The following ELOVL6 variants were observed in gnomAD, a reference collection of about 807,000 sequenced individuals.
The protein encoded by ELOVL6 is ELOVL fatty acid elongase 6, also known as very long chain fatty acid elongase 6.
ELOVL6 carries 8 observed loss-of-function variants against 31.7 expected under a neutral mutation model. The ratio of observed to expected loss-of-function variants is 0.25; its 90% CI spans 0.15 to 0.45. The LOEUF (loss-of-function observed/expected upper bound fraction) is 0.45. Ranked by LOEUF, ELOVL6 falls within the 20% of genes least tolerant of loss-of-function variation. ELOVL6 has a pLI of 1.00. For missense variants in ELOVL6, 126 were observed against 326.4 expected, an observed-to-expected ratio of 0.39 and a Z score of 4.73; for synonymous variants, 101 against 117.7, an observed-to-expected ratio of 0.86 and a Z score of 0.92.
At chr4:110,119,296 A>AAAAG (rs146812273) in intron 1 of ELOVL6, among the ~76,000 whole-genome samples, 88 of 152,152 alleles carry the variant, frequency 5.8e-4, no homozygotes, top group African/African-American at 1.7e-3. Flanking sequence ...TCTCCATCTC[A>AAAAG]AAAGAAAGAA....
At chr4:110,141,271 C>T (rs1757946456) in intron 1 of ELOVL6, among the ~76,000 whole-genome samples, 1 of 152,114 alleles carries the variant, frequency 6.6e-6, no homozygotes, top group African/African-American at 2.4e-5. Flanking sequence ...CCATGTTGGT[C>T]AGGCTGGTCT....
At chr4:110,084,137 G>T (rs1249834676) in intron 2 of ELOVL6, among the ~76,000 whole-genome samples, 2 of 60,908 alleles carry the variant, frequency 3.3e-5, no homozygotes, top group African/African-American at 3.3e-4. Flanking sequence ...ATGTGATAAT[G>T]ATATATATGA....
intron 1 of ELOVL6, among the ~76,000 whole-genome samples, chr4:110,126,574 T>C (rs1477119904): frequency 2.6e-5 from 4 of 152,210 alleles, no homozygotes; most frequent in Non-Finnish European, 5.9e-5. Context: ...TTGAAGGTGC[T>C]AGTCATCTAA....
chr4:110,061,404 G>A (rs568264220), intron 2 of ELOVL6, among the ~76,000 whole-genome samples: 8 of 152,062 alleles, frequency 5.3e-5, no homozygotes, highest in African/African-American at 7.2e-5. Context: ...TCTCCTCCCC[G>A]TGGAATGACC....
intron 1 of ELOVL6, among the ~76,000 whole-genome samples, chr4:110,187,042 C>G (rs1759470840): frequency 6.6e-6 from 1 of 150,814 alleles, no homozygotes; most frequent in African/African-American, 2.4e-5. Flanking sequence ...TATAATTAGC[C>G]AATCCTTATC....
At chr4:110,160,822 T>C (rs1758610410) in intron 1 of ELOVL6, among the ~76,000 whole-genome samples, 1 of 152,224 alleles carries the variant, frequency 6.6e-6, no homozygotes, top group South Asian at 2.1e-4. Context: ...ATAAAAGGGT[T>C]GGGAAACAGC....
intron 1 of ELOVL6, among the ~76,000 whole-genome samples, chr4:110,158,657 A>ATATATATATATATATATATATTT: frequency 2.7e-5 from 2 of 74,162 alleles, no homozygotes; most frequent in African/African-American, 8.3e-5. Context: ...ATATATATAT[A>ATATATATATATATATATATATTT]TTTTTTTTTT....
chr4:110,084,584 ATATATTTTTTTTTTTTT>A (rs1756183302), intron 2 of ELOVL6, among the ~76,000 whole-genome samples: 2 of 54,886 alleles, frequency 3.6e-5, no homozygotes, highest in Non-Finnish European at 5.6e-5. Context: ...ATATATATAT[ATATATTTTTTTTTTTTT>A]TTTTTTTTTT....
chr4:110,053,450 C>T (rs963262367), intron 3 of ELOVL6, among the ~76,000 whole-genome samples: 1 of 152,152 alleles, frequency 6.6e-6, no homozygotes, highest in Non-Finnish European at 1.5e-5. Flanking sequence ...ATTAGGAGAG[C>T]TATTGGTTTA....
chr4:110,056,123 G>GGGT (rs1553953500), intron 3 of ELOVL6, among the ~76,000 whole-genome samples: 18 of 60,484 alleles, frequency 3.0e-4, no homozygotes, highest in Admixed American at 2.1e-3. Context: ...TGTGGGAGCT[G>GGGT]GGGGGGGGGA....
At chr4:110,187,708 A>G (rs1256292209) in intron 1 of ELOVL6, among the ~76,000 whole-genome samples, 3 of 151,860 alleles carry the variant, frequency 2.0e-5, no homozygotes, top group African/African-American at 7.3e-5. Context: ...AAAAAAAAAA[A>G]AAAAATTGTA....
chr4:110,153,530 A>T (rs1758337293), intron 1 of ELOVL6, among the ~76,000 whole-genome samples: 1 of 152,206 alleles, frequency 6.6e-6, no homozygotes, highest in Admixed American at 6.5e-5. Flanking sequence ...AAAATCCAAC[A>T]AGGGTGATCA....
At chr4:110,162,019 G>A (rs1758644253) in intron 1 of ELOVL6, among the ~76,000 whole-genome samples, 1 of 152,102 alleles carries the variant, frequency 6.6e-6, no homozygotes, top group African/African-American at 2.4e-5. Context: ...CTATCCGCAG[G>A]GAGGAGAATT....
chr4:110,196,377 G>C (rs1012853760), intron 1 of ELOVL6, among the ~76,000 whole-genome samples: 1 of 152,170 alleles, frequency 6.6e-6, no homozygotes, highest in Non-Finnish European at 1.5e-5. Flanking sequence ...ACCCGGGCCC[G>C]GGGCTAGCCA....
chr4:110,169,552 G>C (rs890673798), intron 1 of ELOVL6, among the ~76,000 whole-genome samples: 1 of 151,698 alleles, frequency 6.6e-6, no homozygotes, highest in Non-Finnish European at 1.5e-5. Context: ...CAGCCCAATA[G>C]AAGTCTTTAA....
intron 1 of ELOVL6, among the ~76,000 whole-genome samples, chr4:110,115,919 A>C (rs1486438258): frequency 6.6e-6 from 1 of 152,168 alleles, no homozygotes; most frequent in African/African-American, 2.4e-5. Flanking sequence ...TCCACTTGAC[A>C]TTCCTTGGCT....
chr4:110,084,552 A>AGATATATATTTT (rs1371261027), intron 2 of ELOVL6, among the ~76,000 whole-genome samples: 5 of 71,964 alleles, frequency 6.9e-5, no homozygotes, highest in African/African-American at 4.4e-4. Context: ...ACACACACAC[A>AGATATATATTTT]CACACACACA....
intron 1 of ELOVL6, among the ~76,000 whole-genome samples, chr4:110,153,118 T>C (rs1758325708): frequency 6.6e-6 from 1 of 152,176 alleles, no homozygotes; most frequent in African/African-American, 2.4e-5. Flanking sequence ...TGTCAGCTTG[T>C]AAGTAGGAAA....
intron 1 of ELOVL6, chr4:110,147,166 C>T (rs747445483): frequency 3.2e-4 from 56 of 172,466 alleles, no homozygotes; most frequent in Non-Finnish European, 1.9e-4. Flanking sequence ...ACAAATTGTT[C>T]CTAAAGCAGA....
Sources: gnomAD v4.1 joint callset for allele counts (sites outside exome capture counted in the v4.1 genomes callset) on GRCh38, gnomAD v4.1.1 for gene constraint, MANE v1.5 for transcripts, NCBI Gene and HGNC (gene_info 2026-07-23, HGNC 2026-07-21) for gene names.